Variants in MAN2B1 observed in about 807,000 individuals in gnomAD.
The protein encoded by MAN2B1 is mannosidase alpha class 2B member 1, also known as lysosomal alpha-mannosidase.
Under a neutral mutation model 127.5 loss-of-function variants are expected in MAN2B1, and 99 were observed. The observed-to-expected ratio is 0.78, with a 90% CI of 0.66 to 0.92. The LOEUF (loss-of-function observed/expected upper bound fraction) is 0.92. Among genes scored for constraint, MAN2B1 ranks in the 40% least tolerant of loss-of-function variants. MAN2B1 has a pLI of 0.00. For missense variants in MAN2B1, 1,304 were observed against 1,384.8 expected, an observed-to-expected ratio of 0.94 and a Z score of 0.93; for synonymous variants, 573 against 568.8, an observed-to-expected ratio of 1.01 and a Z score of -0.11.
chr19:12,651,800 A>T (rs1014616526), intron 16 of MAN2B1, among the ~76,000 whole-genome samples: 5 of 152,166 alleles, frequency 3.3e-5, no homozygotes, highest in Non-Finnish European at 5.9e-5. Flanking sequence ...AGCTCCTCTT[A>T]CTACAGACTT....
chr19:12,652,454 G>A lies in MAN2B1; in HGVS notation c.1837C>T (p.Arg613Trp), dbSNP rs753090203. 80 of 1,612,686 alleles carry A rather than the reference G, an allele frequency of 5.0e-5. No individual in the cohort carries two copies. Among genetic ancestry groups the A allele is most frequent in the East Asian group, 6.7e-5 (3 of 44,888 alleles). Reference sequence around the variant, plus strand: ...CCTGTGTCAGGATCAAACGTTGCCCGGATGTGCTGGGCAGAAAAGGGTCCA... The same window carrying A: ...CCTGTGTCAGGATCAAACGTTGCCCAGATGTGCTGGGCAGAAAAGGGTCCA... ...PALTIENEHI[R>W]ATFDPDTGLL... Residue 613 changes from arginine (R) to tryptophan (W), a missense_variant, in exon 15 of 24, where the codon CGG becomes TGG. Transcript: ENST00000456935.
chr19:12,656,079 G>A, intron 13 of MAN2B1, 200 bp from the exon 14 acceptor site: 1 of 563,518 alleles, frequency 1.8e-6, no homozygotes, highest in South Asian at 2.2e-5. Flanking sequence ...CCACCGGGAG[G>A]GTGGAGAGAC....
intron 11 of MAN2B1, 55 bp downstream of exon 11, chr19:12,657,391 G>C (rs2023992351): frequency 1.4e-6 from 2 of 1,455,942 alleles, no homozygotes; most frequent in Non-Finnish European, 1.9e-6. Context: ...CCCAGGCCCT[G>C]GCCCCGCCCC....
intron 14 of MAN2B1, 115 bp from the exon 15 acceptor site, chr19:12,652,575 A>T: frequency 4.0e-6 from 3 of 747,848 alleles, no homozygotes; most frequent in South Asian, 1.6e-5. Context: ...TCTGTAGCCC[A>T]GGCTAGAGTA....
intron 3 of MAN2B1, 21 bp from the exon 4 acceptor site, chr19:12,665,006 T>A (rs201672915): frequency 1.0e-4 from 165 of 1,610,476 alleles, no homozygotes; most frequent in Non-Finnish European, 1.2e-4. Context: ...ACAGGCAAGG[T>A]CAGGGTCAGC....
In MAN2B1 at chr19:12,656,970, C is replaced by G. The variant is rs1167317443; in HGVS notation, c.1506G>C (p.Pro502=). Reference sequence around the variant, plus strand: ...TCACGCGCGCCGCCGTCTGGCTGAGCGGGCAGATGCTGATGTTTAGCTGTT... The same window carrying G: ...TCACGCGCGCCGCCGTCTGGCTGAGGGGGCAGATGCTGATGTTTAGCTGTT... ...FCQQLNISIC[P]LSQTAARFQV... The change falls in exon 12 of 24, where the codon CCG becomes CCC. Residue 502 remains proline (P), a synonymous_variant. Transcript: ENST00000456935. The G allele has an allele frequency of 6.2e-7, 1 of 1,613,498 alleles. No individual in the cohort carries two copies. Among genetic ancestry groups the G allele is most frequent in the Non-Finnish European group, 8.5e-7 (1 of 1,179,912 alleles).
chr19:12,658,204 C>T lies in MAN2B1; in HGVS notation c.1230+20G>A. 1 of 1,613,910 alleles carries T rather than the reference C, an allele frequency of 6.2e-7. No homozygotes were observed. The highest frequency in any genetic ancestry group is 2.2e-5 in the East Asian group (1 of 44,864). ...CGGGCCTCGGGGCTGCATGCCCCCT[C>T]TAGCCCGGCTCCTACCCACCTGCAG... On this transcript the variant is annotated intron_variant, in intron 9 of 23. Coordinates refer to ENST00000456935, the MANE Select transcript of MAN2B1 (RefSeq NM_000528.4).
At chr19:12,660,440 T>C (rs2024074055) in intron 7 of MAN2B1, among the ~76,000 whole-genome samples, 1 of 152,072 alleles carries the variant, frequency 6.6e-6, no homozygotes, top group South Asian at 2.1e-4. Flanking sequence ...AGGCGGAGGT[T>C]GCAGTGAGCC....
At position 12,656,695 on chromosome 19, in the gene MAN2B1, G is replaced by T; in HGVS notation, c.1528-8C>A. ...ATAAACGATGACCTGGAACTGGGGAGGCGGGGGTCAGAGAGGGCATGGGTC... is the reference window on the plus strand; with the variant it reads ...ATAAACGATGACCTGGAACTGGGGATGCGGGGGTCAGAGAGGGCATGGGTC... On this transcript the variant is annotated splice_region_variant and splice_polypyrimidine_tract_variant and intron_variant, in intron 12 of 23. Transcript: ENST00000456935. The T allele has an allele frequency of 6.3e-7, 1 of 1,593,658 alleles. No individual in the cohort carries two copies. The highest frequency in any genetic ancestry group is 8.6e-7 in the Non-Finnish European group (1 of 1,161,488).
At chr19:12,656,036 T>G in intron 13 of MAN2B1, 157 bp from the exon 14 acceptor site, 1 of 612,924 alleles carries the variant, frequency 1.6e-6, no homozygotes. Flanking sequence ...AGGAAATGAT[T>G]GCAGAGAAGA....
Position 12,652,240 on chromosome 19 carries a change from A to C in MAN2B1, c.1959T>G (p.Ser653Arg). ...WYNASIGDNE[S>R]DQASGAYIFR... ...AGATGTAGGCACCTGAGGCCTGGTC[A>C]CTTTCGTTGTCACCTATACTGGCGT... Residue 653 changes from serine to arginine, a missense_variant, in exon 16 of 24, where the codon AGT becomes AGG. By Grantham distance (110) the Ser-to-Arg change is moderately radical. Transcript: ENST00000456935. The C allele has an allele frequency of 6.2e-7, 1 of 1,614,126 alleles. No homozygotes were observed.
rs902325469 is a variant in MAN2B1, at chr19:12,665,810, A to G, written c.160-5T>C. 1.9e-6 allele frequency: 3 copies of G among 1,611,446 alleles called. No individual in the cohort carries two copies. The Admixed American group carries it at 5.0e-5, about 27-fold the overall frequency. On this transcript the variant is annotated splice_region_variant and splice_polypyrimidine_tract_variant and intron_variant, in intron 1 of 23. Coordinates refer to ENST00000456935, the MANE Select transcript of MAN2B1 (RefSeq NM_000528.4). ...CGGCTGCACTGTGGGGCATGTCTGC[A>G]CAGGGACCCCAAACACACATACCTT...
chr19:12,664,634 G>C (rs1026679770), intron 4 of MAN2B1, among the ~76,000 whole-genome samples, 158 bp downstream of exon 4: 1 of 152,164 alleles, frequency 6.6e-6, no homozygotes, highest in Admixed American at 6.5e-5. Flanking sequence ...GAGCTCAAAA[G>C]CCACTGGCTT....
Position 12,647,698 on chromosome 19 carries a change from C to A in MAN2B1, c.2665-100G>T, listed in dbSNP as rs1043735839. On this transcript the variant is annotated intron_variant, in intron 21 of 23. Coordinates refer to ENST00000456935, the MANE Select transcript of MAN2B1 (RefSeq NM_000528.4). This position sits in a 1 kb window ranked among gnomAD's most constrained non-coding sequence, Gnocchi z 4.9. ...AGGAGGCAGGGCTAGGTTGTAGGGG[C>A]GGGGTTTCGCCGGAGAGGGGCAAGG... is the stretch of plus-strand genomic sequence containing the variant. 7.1e-6 allele frequency: 7 copies of A among 979,586 alleles called. No homozygotes were observed. In the East Asian group the frequency reaches 1.0e-4, roughly 15 times the overall value. The allele number at this position is 979,586 out of a possible 1,614,324, so 60.7% of individuals were successfully genotyped here. A position where few individuals can be genotyped will look rare whatever the true frequency, so the allele number is the denominator to read the frequency against.
chr19:12,652,484 T>A (rs576826246), intron 14 of MAN2B1, 24 bp from the exon 15 acceptor site: 1 of 1,527,700 alleles, frequency 6.5e-7, no homozygotes, highest in African/African-American at 1.4e-5. Flanking sequence ...GGTCCACAGA[T>A]GGGTTTGTGT....
chr19:12,646,552 A>G lies in MAN2B1; in HGVS notation c.*68T>C, dbSNP rs2023691561. The stretch of plus-strand genomic sequence containing the variant: ...GCGTTTTAATGGCAGCAGCCCCAAG[A>G]GGAGAGTCAGAGTCTGGTCTGCCCC... On this transcript the variant is annotated 3_prime_UTR_variant, in exon 24 of 24. Coordinates refer to ENST00000456935, the MANE Select transcript of MAN2B1 (RefSeq NM_000528.4). 8.4e-7 allele frequency: 1 copy of G among 1,189,908 alleles called. No individual in the cohort carries two copies. The highest frequency in any genetic ancestry group is 1.3e-6 in the Non-Finnish European group (1 of 795,576). 73.7% of individuals were successfully genotyped at this position (1,189,908 alleles called of 1,614,324 possible).
At chr19:12,665,851 G>C (rs750454588) in intron 1 of MAN2B1, 46 bp from the exon 2 acceptor site, 2 of 1,459,120 alleles carry the variant, frequency 1.4e-6, no homozygotes, top group Admixed American at 3.4e-5. Context: ...TAACCCCCGA[G>C]GTCGGGGGCT....
At chr19:12,648,506 G>T in intron 20 of MAN2B1, 104 bp from the exon 21 acceptor site, 1 of 843,100 alleles carries the variant, frequency 1.2e-6, no homozygotes, top group Non-Finnish European at 1.9e-6. Flanking sequence ...GAAATTAAAG[G>T]GTGGGAGGAA....
At chr19:12,646,832 C>T in intron 23 of MAN2B1, 100 bp from the exon 24 acceptor site, 2 of 834,638 alleles carry the variant, frequency 2.4e-6, no homozygotes, top group South Asian at 1.5e-5. Context: ...GCTGCATATC[C>T]CCGAATCTGT....
Sources: allele counts gnomAD v4.1 joint callset (sites outside exome capture counted in the v4.1 genomes callset), GRCh38; gene constraint gnomAD v4.1.1; non-coding constraint Gnocchi (gnomAD v3.1); transcripts MANE v1.5; gene names NCBI Gene and HGNC (gene_info 2026-07-23, HGNC 2026-07-21).